SHROOM2: variants seen among roughly 807,000 people sequenced by gnomAD.
SHROOM2 encodes protein Shroom2.
Under a neutral mutation model 75.9 loss-of-function variants are expected in SHROOM2, and 33 were observed. The ratio of observed to expected loss-of-function variants is 0.43; its 90% CI spans 0.33 to 0.58. The LOEUF is 0.58. Among genes scored for constraint, SHROOM2 ranks in the 20% least tolerant of loss-of-function variants. The pLI, the probability that SHROOM2 is intolerant of heterozygous loss-of-function variation, is 0.04. For missense variants in SHROOM2, 1,434 were observed against 1,461.2 expected (o/e 0.98, Z 0.30); for synonymous variants, 655 against 663.6 (o/e 0.99, Z 0.20).
intron 3 of SHROOM2, among the ~76,000 whole-genome samples, chrX:9,893,348 T>G (rs757293241): frequency 8.7e-4 from 97 of 111,678 alleles, no homozygotes; most frequent in Non-Finnish European, 1.7e-3. Context: ...TGGCCTCAAG[T>G]GATCCTCCAG....
chrX:9,875,199 ACTC>A (rs1260413463), intron 2 of SHROOM2, among the ~76,000 whole-genome samples: 1 of 106,655 alleles, frequency 9.4e-6, no homozygotes. Flanking sequence ...CCTTTTAACA[ACTC>A]TTTGTAGATC....
intron 1 of SHROOM2, among the ~76,000 whole-genome samples, chrX:9,845,572 A>G (rs1193358805): frequency 4.9e-5 from 5 of 102,328 alleles, no homozygotes; most frequent in Non-Finnish European, 7.9e-5. Flanking sequence ...CTTTTATTGT[A>G]TCTACTTGGG....
At chrX:9,835,904 G>A (rs1289294599) in intron 1 of SHROOM2, among the ~76,000 whole-genome samples, 3 of 111,921 alleles carry the variant, frequency 2.7e-5, no homozygotes, top group African/African-American at 6.5e-5. Flanking sequence ...GTTTTTGTTT[G>A]GAGGCTGAAC....
chrX:9,864,847 A>AATAAATAAAT (rs2084126195), intron 1 of SHROOM2, among the ~76,000 whole-genome samples: 1 of 109,762 alleles, frequency 9.1e-6, no homozygotes, highest in Non-Finnish European at 1.9e-5. Flanking sequence ...AATAAATAAA[A>AATAAATAAAT]ATAAATAAAT....
chrX:9,937,573 A>T lies in SHROOM2; in HGVS notation c.4027A>T (p.Thr1343Ser), dbSNP rs1321601636. 1 of 1,210,008 alleles carries T rather than the reference A, an allele frequency of 8.3e-7. No individual in the cohort carries two copies. The highest frequency in any genetic ancestry group is 1.7e-5 in the African/African-American group (1 of 57,253). ...ILDPSVKIKTTMDLMEGIFPK... is the reference protein window; with the variant it reads ...ILDPSVKIKTSMDLMEGIFPK... Reference sequence around the variant, plus strand: ...GGATCCCAGTGTGAAGATCAAAACCACTATGGACTTGATGGAAGGCATCTT... The same window carrying T: ...GGATCCCAGTGTGAAGATCAAAACCTCTATGGACTTGATGGAAGGCATCTT... Residue 1343 changes from threonine to serine, a missense_variant, in exon 7 of 10, where the codon ACT becomes TCT. Coordinates refer to ENST00000380913, the MANE Select transcript of SHROOM2 (RefSeq NM_001649.4).
intron 2 of SHROOM2, among the ~76,000 whole-genome samples, chrX:9,889,421 G>C (rs1316458271): frequency 8.9e-6 from 1 of 112,413 alleles, no homozygotes; most frequent in Non-Finnish European, 1.9e-5. Flanking sequence ...CTCCATTCTT[G>C]ATTGGGTTAT....
At chrX:9,883,043 A>G (rs1362222937) in intron 2 of SHROOM2, among the ~76,000 whole-genome samples, 1 of 112,285 alleles carries the variant, frequency 8.9e-6, no homozygotes, top group Non-Finnish European at 1.9e-5. Flanking sequence ...TAGAAAATAC[A>G]TGCAGAGTTA....
intron 1 of SHROOM2, among the ~76,000 whole-genome samples, chrX:9,824,403 A>G (rs1356015126): frequency 1.8e-5 from 2 of 111,315 alleles, no homozygotes; most frequent in Non-Finnish European, 3.8e-5. Context: ...GCACCATTGC[A>G]CTCCAGCCTG....
At chrX:9,943,208 AGAGT>A (rs773147372) in intron 8 of SHROOM2, among the ~76,000 whole-genome samples, 1 of 110,291 alleles carries the variant, frequency 9.1e-6, no homozygotes, top group East Asian at 2.8e-4. Context: ...CCTGGGCAAC[AGAGT>A]GAGACCCTGT....
At chrX:9,848,311 T>G (rs1307602899) in intron 1 of SHROOM2, among the ~76,000 whole-genome samples, 1 of 103,859 alleles carries the variant, frequency 9.6e-6, no homozygotes, top group Non-Finnish European at 2.0e-5. Flanking sequence ...GAGACCATCC[T>G]GGCTAACAAG....
intron 1 of SHROOM2, among the ~76,000 whole-genome samples, chrX:9,846,247 G>A (rs1290909235): frequency 9.2e-6 from 1 of 108,791 alleles, no homozygotes; most frequent in African/African-American, 3.4e-5. Context: ...AGCCTCCTGA[G>A]TAGCTGGGAC....
intron 1 of SHROOM2, among the ~76,000 whole-genome samples, chrX:9,807,320 C>T (rs1192475017): frequency 6.2e-5 from 7 of 112,374 alleles, no homozygotes; most frequent in Non-Finnish European, 1.1e-4. Flanking sequence ...CCTGGTCATT[C>T]TGCTGCTTTG....
intron 1 of SHROOM2, among the ~76,000 whole-genome samples, chrX:9,836,073 A>G (rs775862677): frequency 4.9e-4 from 55 of 111,920 alleles, no homozygotes; most frequent in African/African-American, 1.8e-3. Flanking sequence ...GCATCTGCAC[A>G]CCTGGAGAGC....
At chrX:9,821,250 G>A (rs2083851621) in intron 1 of SHROOM2, among the ~76,000 whole-genome samples, 1 of 112,125 alleles carries the variant, frequency 8.9e-6, no homozygotes, top group Admixed American at 9.5e-5. Flanking sequence ...GCAAAACCTC[G>A]GAATCACGGT....
Position 9,825,736 on chromosome X carries a change from GCTGCTTCCCTCCCACAGC to G in SHROOM2, c.165+39029_165+39046del, listed in dbSNP as rs753717184. Among the ~76,000 whole-genome samples the G allele has an allele frequency of 5.3e-3, 596 of 112,183 alleles. 1 individual carries two copies. Among genetic ancestry groups the G allele is most frequent in the African/African-American group, 0.018 (564 of 30,932 alleles). On this transcript the variant is annotated intron_variant, in intron 1 of 9. Coordinates refer to ENST00000380913, the MANE Select transcript of SHROOM2 (RefSeq NM_001649.4). ...TTGTGTTTCAGTGAGGAAGATAGTA[GCTGCTTCCCTCCCACAGC>G]CTTGTGGACCCTGGCTGCACATTTG...
At chrX:9,792,046 GAATAGAATAGAATAGAATAGAATAGAAT>G in intron 1 of SHROOM2, among the ~76,000 whole-genome samples, 1 of 1,021 alleles carries the variant, frequency 9.8e-4, no homozygotes, top group East Asian at 0.012. Flanking sequence ...GAATAGAATA[GAATAGAATAGAATAGAATAGAATAGAAT>G]AGAATAGAAT....
At chrX:9,844,058 A>G (rs1355261432) in intron 1 of SHROOM2, among the ~76,000 whole-genome samples, 1 of 112,480 alleles carries the variant, frequency 8.9e-6, no homozygotes, top group Non-Finnish European at 1.9e-5. Flanking sequence ...TTTCTTCTGA[A>G]AGTGTTTAGG....
intron 8 of SHROOM2, among the ~76,000 whole-genome samples, chrX:9,944,384 G>A (rs185208109): frequency 1.2e-4 from 13 of 111,950 alleles, no homozygotes; most frequent in Non-Finnish European, 2.4e-4. Context: ...CCACAACTCC[G>A]ACGTTCTCTA....
At chrX:9,824,679 G>C (rs1488427558) in intron 1 of SHROOM2, among the ~76,000 whole-genome samples, 1 of 111,658 alleles carries the variant, frequency 9.0e-6, no homozygotes, top group Non-Finnish European at 1.9e-5. Flanking sequence ...CTGGAGGGGC[G>C]TTCTGGGTAT....
Sources: gnomAD v4.1 joint callset for allele counts (sites outside exome capture counted in the v4.1 genomes callset) on GRCh38, gnomAD v4.1.1 for gene constraint, MANE v1.5 for transcripts, NCBI Gene and HGNC (gene_info 2026-07-23, HGNC 2026-07-21) for gene names.